Variants in PLXNC1 observed in about 807,000 individuals in gnomAD.
The protein encoded by PLXNC1 is plexin C1, also known as plexin-C1.
Under a neutral mutation model 178.2 loss-of-function variants are expected in PLXNC1, and 75 were observed. That is an observed-to-expected ratio of 0.42 (90% CI 0.35 to 0.51). The LOEUF (loss-of-function observed/expected upper bound fraction) is 0.51. PLXNC1 is among the 20% of genes least tolerant of loss of function. PLXNC1 has a pLI of 0.02. For synonymous variants in PLXNC1, 790 were observed against 779.9 expected (o/e 1.01, Z -0.22); for missense variants, 1,503 against 1,984.4 (o/e 0.76, Z 4.61).
In PLXNC1 at chr12:94,303,733, T is replaced by C. The variant is rs762565170; in HGVS notation, c.4387-23T>C. ...TTTTTACTCTTTTGGTGATGGTTGC[T>C]TTTTTTTTTTTTTTTTCCCCAGGAA... On this transcript the variant is annotated intron_variant, in intron 28 of 30. Transcript: ENST00000258526. 957 of 269,046 alleles carry C rather than the reference T, an allele frequency of 3.6e-3. 2 individuals carry two copies. The highest frequency in any genetic ancestry group is 0.014 in the African/African-American group (536 of 39,326). The allele number at this position is 269,046 out of a possible 1,614,324, so 16.7% of individuals were successfully genotyped here. A position where few individuals can be genotyped will look rare whatever the true frequency, so the allele number is the denominator to read the frequency against.
In PLXNC1 at chr12:94,303,963, A is replaced by G. The variant is rs1422849286; in HGVS notation, c.4528-14A>G. On this transcript the variant is annotated splice_polypyrimidine_tract_variant and intron_variant, in intron 29 of 30. Coordinates refer to ENST00000258526, the MANE Select transcript of PLXNC1 (RefSeq NM_005761.3). ...TACGTCATTTCAGAATCTCTCAACAAGTCTTTCTTTTAGAAACATGAAAAT... is the reference window on the plus strand; with the variant it reads ...TACGTCATTTCAGAATCTCTCAACAGGTCTTTCTTTTAGAAACATGAAAAT... 2 of 1,606,804 alleles carry G rather than the reference A, an allele frequency of 1.2e-6. No individual in the cohort carries two copies. The highest frequency in any genetic ancestry group is 2.7e-5 in the African/African-American group (2 of 74,618).
chr12:94,235,798 T>C (rs1565823304), intron 9 of PLXNC1, among the ~76,000 whole-genome samples: 1 of 152,206 alleles, frequency 6.6e-6, no homozygotes, highest in Non-Finnish European at 1.5e-5. Context: ...TATTCTTCTT[T>C]TGACATTTTG....
At chr12:94,152,151 A>G (rs958549430) in intron 1 of PLXNC1, among the ~76,000 whole-genome samples, 1 of 152,166 alleles carries the variant, frequency 6.6e-6, no homozygotes, top group African/African-American at 2.4e-5. Context: ...AAACAATAGC[A>G]TGTCATGGCT....
In PLXNC1 at chr12:94,191,448, G is replaced by T. The variant is rs74238533; in HGVS notation, c.1439+4975G>T. Among the ~76,000 whole-genome samples the T allele has an allele frequency of 9.2e-5, 14 of 152,280 alleles. No individual in the cohort carries two copies. In the East Asian group the frequency reaches 2.7e-3, roughly 29 times the overall value. On this transcript the variant is annotated intron_variant, in intron 4 of 30. Transcript: ENST00000258526. ...TCTAGAAAGTGGAATGGTGGGGAGA[G>T]GCAAGAAAACTATCTTCACTTCCTT...
At chr12:94,301,197 C>T in intron 28 of PLXNC1, 140 bp downstream of exon 28, 1 of 563,978 alleles carries the variant, frequency 1.8e-6, no homozygotes, top group Non-Finnish European at 2.9e-6. Context: ...TGTCAATTTG[C>T]TGTTATTTAA....
chr12:94,149,168 A>G lies in PLXNC1; in HGVS notation c.197A>G (p.Asp66Gly). The stretch of plus-strand genomic sequence containing the variant: ...TTTGTGGCGAGCGGCAGCTGCCTGG[A>G]CCAGCTGGACTACAGCCTGGAGCAC... ...GVFVASGSCLDQLDYSLEHSL... is the reference protein window; with the variant it reads ...GVFVASGSCLGQLDYSLEHSL... Residue 66 changes from aspartate (D) to glycine (G), a missense_variant, in exon 1 of 31, where the codon GAC (aspartate) becomes GGC (glycine). Physicochemically the swap from Asp to Gly is moderately conservative, Grantham distance 94. Coordinates refer to ENST00000258526, the MANE Select transcript of PLXNC1 (RefSeq NM_005761.3). 1.3e-6 allele frequency: 2 copies of G among 1,590,556 alleles called. No homozygotes were observed. Among genetic ancestry groups the G allele is most frequent in the African/African-American group, 2.8e-5 (2 of 72,052 alleles).
chr12:94,256,329 A>G (rs1359232779), intron 17 of PLXNC1: 2 of 152,182 alleles, frequency 1.3e-5, no homozygotes, highest in Non-Finnish European at 2.9e-5. Flanking sequence ...ACACCATGAT[A>G]TGTAATGCGG....
At chr12:94,231,301 T>C (rs1308251602) in intron 9 of PLXNC1, among the ~76,000 whole-genome samples, 7 of 151,856 alleles carry the variant, frequency 4.6e-5, no homozygotes, top group Non-Finnish European at 1.0e-4. Context: ...AGTGTAGGGG[T>C]AGGAGCCAGA....
intron 7 of PLXNC1, 148 bp from the exon 8 acceptor site, chr12:94,226,457 C>T: frequency 1.7e-6 from 1 of 586,176 alleles, no homozygotes; most frequent in Non-Finnish European, 3.0e-6. Flanking sequence ...AAGAGCAGGG[C>T]ACAAAGCCTC....
At position 94,220,149 on chromosome 12, in the gene PLXNC1, G is replaced by A. The variant is rs144918979; in HGVS notation, c.1688G>A (p.Arg563Lys). ...NRTCTCSIPT[R>K]ATYKDVSVVN... is the part of the protein sequence containing the mutation. Reference sequence around the variant, plus strand: ...ACCTGCACCTGTAGCATCCCAACCAGAGCAACCTACAAAGGTATGTGGATT... The same window carrying A: ...ACCTGCACCTGTAGCATCCCAACCAAAGCAACCTACAAAGGTATGTGGATT... The change falls in exon 6 of 31, where the codon AGA becomes AAA. Residue 563 changes from arginine to lysine, a missense_variant. Transcript: ENST00000258526. The A allele has an allele frequency of 2.5e-6, 4 of 1,613,770 alleles. No individual in the cohort carries two copies. The highest frequency in any genetic ancestry group is 1.6e-4 in the Middle Eastern group (1 of 6,062).
At chr12:94,253,701 G>T (rs1406351040) in intron 15 of PLXNC1, among the ~76,000 whole-genome samples, 3 of 151,328 alleles carry the variant, frequency 2.0e-5, no homozygotes, top group Non-Finnish European at 4.4e-5. Context: ...TTGAGAAAGG[G>T]TCTCACTTTT....
At chr12:94,230,602 A>AATCTCTCTT (rs1479921370) in intron 9 of PLXNC1, among the ~76,000 whole-genome samples, 11 of 152,180 alleles carry the variant, frequency 7.2e-5, no homozygotes, top group African/African-American at 2.4e-5. Flanking sequence ...TAGGGAATGG[A>AATCTCTCTT]GTGTTATTTG....
At chr12:94,150,423 G>C (rs1477395475) in intron 1 of PLXNC1, among the ~76,000 whole-genome samples, 2 of 152,202 alleles carry the variant, frequency 1.3e-5, no homozygotes, top group Non-Finnish European at 2.9e-5. Flanking sequence ...TGTAGTCCCA[G>C]CAGGCGTGTG....
In PLXNC1 at chr12:94,240,603, T is replaced by C; in HGVS notation, c.2239T>C (p.Ser747Pro). 6.2e-7 allele frequency: 1 copy of C among 1,614,030 alleles called. No individual in the cohort carries two copies. The highest frequency in any genetic ancestry group is 1.7e-5 in the Admixed American group (1 of 60,018). ...FDGGNCSSVGSLSYIALPHCS... is the reference protein window; with the variant it reads ...FDGGNCSSVGPLSYIALPHCS... Reference sequence around the variant, plus strand: ...TGGTGGGAACTGCTCTTCTGTGGGATCCTTATCCTACATTGCTCTGCCACA... The same window carrying C: ...TGGTGGGAACTGCTCTTCTGTGGGACCCTTATCCTACATTGCTCTGCCACA... The change falls in exon 11 of 31, where the codon TCC becomes CCC. Residue 747 changes from serine (S) to proline (P), a missense_variant. Ser to Pro is a moderately conservative substitution (Grantham distance 74). This residue lies in a region of PLXNC1 where 615 missense variants were observed against 698.6 expected (regional missense o/e 0.88). Transcript: ENST00000258526.
chr12:94,266,411 G>A (rs753867836), intron 21 of PLXNC1, among the ~76,000 whole-genome samples: 1 of 152,308 alleles, frequency 6.6e-6, no homozygotes, highest in South Asian at 2.1e-4. Flanking sequence ...CTGAGAGGCC[G>A]GAGAGTGGGC....
rs1963880464 is a variant in PLXNC1 at position 94,224,304 on chromosome 12, A to G, written c.1779A>G (p.Ser593=). ...ACAGATTCAACTTTACCAACTGCTC[A>G]TCATTAAAAGAGTAAGATTTTATTT... ...LSDRFNFTNC[S]SLKECPACVE... Residue 593 remains serine (S), a synonymous_variant, in exon 7 of 31, where the codon TCA becomes TCG. Coordinates refer to ENST00000258526, the MANE Select transcript of PLXNC1 (RefSeq NM_005761.3). 3 of 1,515,336 alleles carry G rather than the reference A, an allele frequency of 2.0e-6. No individual in the cohort carries two copies. Among genetic ancestry groups the G allele is most frequent in the South Asian group, 1.1e-5 (1 of 89,056 alleles). 93.9% of individuals were successfully genotyped at this position (1,515,336 alleles called of 1,614,324 possible).
chr12:94,148,842 G>T lies in PLXNC1; in HGVS notation c.-130G>T. ...CGCTCTCCTTCCTGGGCGAGCTGCG[G>T]GGATGGGGCGGCCGCGGGAGCCCGA... On this transcript the variant is annotated 5_prime_UTR_variant, in exon 1 of 31. Coordinates refer to ENST00000258526, the MANE Select transcript of PLXNC1 (RefSeq NM_005761.3). The surrounding 1 kb of genome is among the most constrained non-coding windows in gnomAD (Gnocchi z 4.8). 1 of 157,716 alleles carries T rather than the reference G, an allele frequency of 6.3e-6. No individual in the cohort carries two copies. The highest frequency in any genetic ancestry group is 1.8e-4 in the South Asian group (1 of 5,666). The allele number at this position is 157,716 out of a possible 1,614,324, so 9.8% of individuals were successfully genotyped here.
chr12:94,267,381 A>G (rs1432055708), intron 21 of PLXNC1, among the ~76,000 whole-genome samples: 1 of 152,160 alleles, frequency 6.6e-6, no homozygotes, highest in African/African-American at 2.4e-5. Flanking sequence ...GTCAATTAAG[A>G]CCATGTGTTT....
intron 5 of PLXNC1, among the ~76,000 whole-genome samples, chr12:94,210,010 A>G (rs1187726130): frequency 6.6e-6 from 1 of 152,236 alleles, no homozygotes; most frequent in East Asian, 1.9e-4. Flanking sequence ...CTAATGTTGT[A>G]GAAATACATA....
Sources: allele counts gnomAD v4.1 joint callset (sites outside exome capture counted in the v4.1 genomes callset), GRCh38; gene constraint gnomAD v4.1.1; regional missense constraint gnomAD v4.1.1; non-coding constraint Gnocchi (gnomAD v3.1); transcripts MANE v1.5; gene names NCBI Gene and HGNC (gene_info 2026-07-23, HGNC 2026-07-21).